Variants in CSTL1 observed in about 807,000 individuals in gnomAD.
The protein encoded by CSTL1 is cystatin-like 1.
Under a neutral mutation model 14.4 loss-of-function variants are expected in CSTL1, and 14 were observed. That is an observed-to-expected ratio of 0.97 (90% CI 0.64 to 1.52). The LOEUF is 1.52. Ranked by LOEUF, CSTL1 falls within the 40% of genes most tolerant of loss-of-function variation. CSTL1 has a pLI of 0.00. For synonymous variants in CSTL1, 72 were observed against 67.5 expected (o/e 1.07, Z -0.33); for missense variants, 170 against 168.7 (o/e 1.01, Z -0.04).
chr20:23,460,539 C>T, the CSTL1 span, among the ~76,000 whole-genome samples: 2 of 152,072 alleles, frequency 1.3e-5, no homozygotes, highest in African/African-American at 2.4e-5. Flanking sequence ...AGGAAAATGG[C>T]GAGACAAGTC....
chr20:23,456,860 C>T, the CSTL1 span, among the ~76,000 whole-genome samples: 1 of 152,162 alleles, frequency 6.6e-6, no homozygotes, highest in African/African-American at 2.4e-5. Context: ...ACTCTCTGGC[C>T]TCTGGTTCTC....
the CSTL1 span, chr20:23,459,336 C>A: frequency 6.6e-6 from 1 of 152,230 alleles, no homozygotes; most frequent in Non-Finnish European, 1.5e-5. Flanking sequence ...AAATTACTTA[C>A]ATTCAACGTG....
the CSTL1 span, chr20:23,451,801 G>A: frequency 6.3e-7 from 1 of 1,593,778 alleles, no homozygotes; most frequent in Non-Finnish European, 8.6e-7. Context: ...ACGTTAAAGT[G>A]CTTTTACCCA....
At chr20:23,452,607 G>A in the CSTL1 span, 691 of 1,612,896 alleles carry the variant, frequency 4.3e-4, 5 homozygotes, top group East Asian at 0.014. Context: ...TTAAGGACTC[G>A]GAAGATCCTG....
At chr20:23,451,858 T>A in the CSTL1 span, 128 of 1,614,142 alleles carry the variant, frequency 7.9e-5, 1 homozygote, top group African/African-American at 1.3e-3. Flanking sequence ...TCGTGGTCTC[T>A]GGCTTTTGGC....
chr20:23,442,851 G>A (rs1986867302), intron 2 of CSTL1, among the ~76,000 whole-genome samples: 1 of 152,172 alleles, frequency 6.6e-6, no homozygotes, highest in Non-Finnish European at 1.5e-5. Flanking sequence ...TCCTGCACCG[G>A]TGAAGATCCA....
chr20:23,453,964 A>G, the CSTL1 span, among the ~76,000 whole-genome samples: 1 of 151,860 alleles, frequency 6.6e-6, no homozygotes, highest in African/African-American at 2.4e-5. Context: ...ACAGAGACAC[A>G]TACCTATCCA....
At chr20:23,457,376 T>G in the CSTL1 span, among the ~76,000 whole-genome samples, 1 of 152,150 alleles carries the variant, frequency 6.6e-6, no homozygotes, top group Non-Finnish European at 1.5e-5. Flanking sequence ...GGCTTCTGTA[T>G]CCGCTATGAA....
chr20:23,445,310 C>T (rs576898742), downstream of CSTL1, among the ~76,000 whole-genome samples: 56 of 151,672 alleles, frequency 3.7e-4, no homozygotes, highest in African/African-American at 1.2e-3. Context: ...CTGAAGCCTC[C>T]GCTAAAGTGG....
chr20:23,451,112 TCTTCCATTTATCCCTC>T, the CSTL1 span, among the ~76,000 whole-genome samples: 1 of 152,236 alleles, frequency 6.6e-6, no homozygotes, highest in African/African-American at 2.4e-5. Context: ...CTCCATTCAT[TCTTCCATTTATCCCTC>T]CTTCCATCCA....
rs747678678 is a variant in CSTL1, at chr20:23,440,455, G to A, written c.188G>A (p.Arg63Gln). The change falls in exon 2 of 4, where the codon CGA becomes CAA. Residue 63 changes from arginine to glutamine, a missense_variant. Transcript: ENST00000347397. Reference protein sequence around the residue: ...NNASNDTYLYRVQRLIRSQMQ... With the variant: ...NNASNDTYLYQVQRLIRSQMQ... Reference sequence around the variant, plus strand: ...GCCAGCAACGACACCTACTTATATCGAGTCCAGAGGCTAATTCGAAGTCAG... The same window carrying A: ...GCCAGCAACGACACCTACTTATATCAAGTCCAGAGGCTAATTCGAAGTCAG... 7 of 1,613,914 alleles carry A rather than the reference G, an allele frequency of 4.3e-6. No individual in the cohort carries two copies. Among genetic ancestry groups the A allele is most frequent in the Admixed American group, 1.7e-5 (1 of 60,014 alleles).
chr20:23,459,622 A>T, the CSTL1 span, among the ~76,000 whole-genome samples: 1 of 152,076 alleles, frequency 6.6e-6, no homozygotes, highest in Non-Finnish European at 1.5e-5. Context: ...CATTCTTTGT[A>T]CCCAGTCATA....
intron 2 of CSTL1, among the ~76,000 whole-genome samples, chr20:23,443,356 A>G (rs2123314146): frequency 6.6e-6 from 1 of 152,286 alleles, no homozygotes; most frequent in South Asian, 2.1e-4. Flanking sequence ...CCACATAACA[A>G]CTCCAGAAGC....
At chr20:23,457,991 G>A in the CSTL1 span, among the ~76,000 whole-genome samples, 1 of 152,110 alleles carries the variant, frequency 6.6e-6, no homozygotes, top group African/African-American at 2.4e-5. Flanking sequence ...CTCCAGTCAT[G>A]TCTCAGTTCC....
chr20:23,446,024 T>A (rs1232074078), downstream of CSTL1, among the ~76,000 whole-genome samples: 1 of 151,914 alleles, frequency 6.6e-6, no homozygotes, highest in African/African-American at 2.4e-5. Flanking sequence ...GCAGCCAGGG[T>A]TTTTACCGGG....
chr20:23,450,917 C>T, the CSTL1 span, among the ~76,000 whole-genome samples: 1 of 152,166 alleles, frequency 6.6e-6, no homozygotes, highest in African/African-American at 2.4e-5. Flanking sequence ...TTTGTCCTCT[C>T]TTGGCTCCAT....
intron 2 of CSTL1, 94 bp downstream of exon 2, chr20:23,440,580 G>A: frequency 1.0e-6 from 1 of 954,702 alleles, no homozygotes; most frequent in Non-Finnish European, 1.7e-6. Context: ...AGAACCAAGT[G>A]GTGGTCCTCC....
intron 3 of CSTL1, 63 bp from the exon 4 acceptor site, chr20:23,444,708 G>A: frequency 3.8e-6 from 4 of 1,062,392 alleles, no homozygotes; most frequent in Non-Finnish European, 5.9e-6. Context: ...TGGGGAACAG[G>A]TGCCTGTTGC....
the CSTL1 span, among the ~76,000 whole-genome samples, chr20:23,458,847 C>T: frequency 6.6e-6 from 1 of 152,170 alleles, no homozygotes; most frequent in Admixed American, 6.5e-5. Flanking sequence ...TAGCCAGAGA[C>T]TCCTTTTCCT....
Sources: gnomAD v4.1 joint callset for allele counts (sites outside exome capture counted in the v4.1 genomes callset) on GRCh38, gnomAD v4.1.1 for gene constraint, MANE v1.5 for transcripts, NCBI Gene and HGNC (gene_info 2026-07-23, HGNC 2026-07-21) for gene names.